Variants in ZNF44 observed in about 807,000 individuals in gnomAD.
ZNF44 encodes the protein zinc finger protein 44.
ZNF44 carries 9 observed loss-of-function variants against 11.7 expected under a neutral mutation model. The ratio of observed to expected loss-of-function variants is 0.77; its 90% CI spans 0.46 to 1.35. ZNF44 has a LOEUF of 1.35. ZNF44 is among the 40% of genes most tolerant of loss of function. ZNF44 has a pLI of 0.00. For synonymous variants in ZNF44, 224 were observed against 242.7 expected, an observed-to-expected ratio of 0.92 and a Z score of 0.72; for missense variants, 696 against 743.1, an observed-to-expected ratio of 0.94 and a Z score of 0.74.
intron 7 of ZNF44, among the ~76,000 whole-genome samples, chr19:12,249,167 G>A (rs543675392): frequency 4.4e-4 from 67 of 151,820 alleles, no homozygotes; most frequent in South Asian, 1.7e-3. Flanking sequence ...GATTATAGGC[G>A]GGAGCCACCG....
At chr19:12,267,043 C>CT (rs560631225), downstream of ZNF44, among the ~76,000 whole-genome samples, 1,610 of 139,782 alleles carry the variant, frequency 0.012, 13 homozygotes, top group African/African-American at 0.022. Context: ...TTTCTTTTTT[C>CT]TTTTTTTTTT....
At chr19:12,248,428 TC>T (rs2145688525) in exon 8 of ZNF44, 1 of 1,291,084 alleles carries the variant, frequency 7.7e-7, no homozygotes, top group Non-Finnish European at 1.0e-6. Context: ...CTGAAGGGTT[TC>T]CCACATTTCT....
At chr19:12,269,818 GTA>G (rs147389493), downstream of ZNF44, among the ~76,000 whole-genome samples, 1 of 151,554 alleles carries the variant, frequency 6.6e-6, no homozygotes, top group Non-Finnish European at 1.5e-5. Flanking sequence ...CACCAAAGTT[GTA>G]TATATATATA....
chr19:12,280,995 T>C (rs928062570), intron 1 of ZNF44, among the ~76,000 whole-genome samples: 3 of 152,226 alleles, frequency 2.0e-5, no homozygotes, highest in African/African-American at 7.2e-5. Context: ...TCTAGGATTA[T>C]AGTTGAGGGA....
At chr19:12,236,311 A>G (rs1916387290) in intron 1 of ZNF44, among the ~76,000 whole-genome samples, 1 of 152,204 alleles carries the variant, frequency 6.6e-6, no homozygotes, top group African/African-American at 2.4e-5. Flanking sequence ...GGAGTGTTAA[A>G]AGAAATAAGA....
At chr19:12,263,141 A>C (rs1917582957) in intron 5 of ZNF44, among the ~76,000 whole-genome samples, 2 of 151,008 alleles carry the variant, frequency 1.3e-5, no homozygotes, top group South Asian at 2.1e-4. Context: ...GCTGGAGTGC[A>C]ATGGCGCAAT....
At chr19:12,231,011 A>T (rs1916140132) in intron 2 of ZNF44, among the ~76,000 whole-genome samples, 1 of 152,180 alleles carries the variant, frequency 6.6e-6, no homozygotes, top group African/African-American at 2.4e-5. Context: ...GTTTATGATC[A>T]TGCTGACTTA....
chr19:12,270,286 G>A (rs954122528), downstream of ZNF44, among the ~76,000 whole-genome samples: 2 of 152,038 alleles, frequency 1.3e-5, no homozygotes, highest in African/African-American at 2.4e-5. Context: ...ACCAAGAATC[G>A]TATATCCAGC....
downstream of ZNF44, among the ~76,000 whole-genome samples, chr19:12,269,498 G>T (rs1455767646): frequency 6.6e-6 from 1 of 151,898 alleles, no homozygotes; most frequent in Non-Finnish European, 1.5e-5. Flanking sequence ...CTCCAGCCTG[G>T]GCAACAAGAG....
downstream of ZNF44, among the ~76,000 whole-genome samples, chr19:12,245,994 C>T (rs751167512): frequency 6.6e-6 from 1 of 152,178 alleles, no homozygotes; most frequent in Non-Finnish European, 1.5e-5. Context: ...GATGTCTCCA[C>T]CATCTTCACA....
intron 5 of ZNF44, chr19:12,250,828 C>G (rs528960065): frequency 2.2e-6 from 1 of 456,054 alleles, no homozygotes; most frequent in African/African-American, 2.0e-5. Context: ...ACAAGAGGCA[C>G]GTGGAAATCA....
chr19:12,273,030 G>T lies in ZNF44; in HGVS notation c.1225C>A (p.Gln409Lys). 6.2e-7 allele frequency: 1 copy of T among 1,613,978 alleles called. No homozygotes were observed. Among genetic ancestry groups the T allele is most frequent in the South Asian group, 1.1e-5 (1 of 91,068 alleles). Residue 409 changes from glutamine (Q) to lysine (K), a missense_variant, in exon 4 of 4, where the codon CAA becomes AAA. Gln to Lys is a moderately conservative substitution (Grantham distance 53). Coordinates refer to ENST00000355684, the MANE Select transcript of ZNF44 (RefSeq NM_016264.4). ...CCAGTGTGAGTCCTTTCATGTCTTTGAAATACACTAGGAGAATCAAAGGCT... is the reference window on the plus strand; with the variant it reads ...CCAGTGTGAGTCCTTTCATGTCTTTTAAATACACTAGGAGAATCAAAGGCT... ...GKAFDSPSVF[Q>K]RHERTHTGEK...
At chr19:12,266,158 C>T in intron 5 of ZNF44, 3 of 713,212 alleles carry the variant, frequency 4.2e-6, no homozygotes, top group Non-Finnish European at 5.2e-6. Flanking sequence ...CGAGCTGTGC[C>T]ATGGGGACTA....
chr19:12,239,614 C>T (rs1439982109), upstream of ZNF44, among the ~76,000 whole-genome samples: 1 of 121,124 alleles, frequency 8.3e-6, no homozygotes, highest in Non-Finnish European at 1.7e-5. Context: ...CTAACTCTGT[C>T]ATCCAGGCTG....
intron 1 of ZNF44, 156 bp from the exon 2 acceptor site, chr19:12,276,238 T>G (rs1260979465): frequency 8.5e-7 from 1 of 1,181,174 alleles, no homozygotes; most frequent in East Asian, 3.2e-5. Context: ...ACTCACTGTC[T>G]GATGCTGGAA....
intron 1 of ZNF44, among the ~76,000 whole-genome samples, chr19:12,289,470 T>C (rs2145767879): frequency 6.6e-6 from 1 of 152,182 alleles, no homozygotes; most frequent in Non-Finnish European, 1.5e-5. Context: ...AAACACTCTG[T>C]GATCTAGAAT....
chr19:12,274,081 T>C lies in ZNF44; in HGVS notation c.192-18A>G. On this transcript the variant is annotated intron_variant, in intron 3 of 3. Transcript: ENST00000355684. ...CATCACACCTGTAAAAAATGAAAAG[T>C]ACATTACTAAAGGTTTATTATTGAA... 1 of 1,570,876 alleles carries C rather than the reference T, an allele frequency of 6.4e-7. No individual in the cohort carries two copies. Among genetic ancestry groups the C allele is most frequent in the Non-Finnish European group, 8.7e-7 (1 of 1,156,046 alleles).
At chr19:12,253,856 G>A (rs963461565) in intron 5 of ZNF44, among the ~76,000 whole-genome samples, 4 of 152,120 alleles carry the variant, frequency 2.6e-5, no homozygotes, top group African/African-American at 9.7e-5. Context: ...GCAGGTGCCT[G>A]TAATCCCAGC....
rs760160443 is a variant in ZNF44, at chr19:12,273,388, G to A, written c.867C>T (p.Ala289=). 17 of 1,613,684 alleles carry A rather than the reference G, an allele frequency of 1.1e-5. No individual in the cohort carries two copies. The highest frequency in any genetic ancestry group is 1.4e-5 in the Non-Finnish European group (17 of 1,179,936). Residue 289 remains alanine, a synonymous_variant, in exon 4 of 4, where the codon GCC becomes GCT. Coordinates refer to ENST00000355684, the MANE Select transcript of ZNF44 (RefSeq NM_016264.4). ...CTCGAAGGGAACCGGAAACACTGAA[G>A]GCTTTCCCACATTGTTTACATTTGT... ...KPYKCKQCGK[A]FSVSGSLRVH... is the part of the protein sequence containing the mutation.
Sources: allele counts gnomAD v4.1 joint callset (sites outside exome capture counted in the v4.1 genomes callset), GRCh38; gene constraint gnomAD v4.1.1; transcripts MANE v1.5; gene names NCBI Gene and HGNC (gene_info 2026-07-23, HGNC 2026-07-21).